The following KLHL1 variants were observed in gnomAD, a reference collection of about 807,000 sequenced individuals.
KLHL1 encodes kelch-like protein 1.
In KLHL1, 47 loss-of-function variants were observed where a neutral mutation model predicts 77.7. The observed-to-expected ratio is 0.60, with a 90% confidence interval of 0.48 to 0.77. The LOEUF (loss-of-function observed/expected upper bound fraction) is 0.77. Among genes scored for constraint, KLHL1 ranks in the 30% least tolerant of loss-of-function variants. KLHL1 has a pLI of 0.00. For missense variants in KLHL1, 925 were observed against 910.8 expected (o/e 1.02, Z -0.20); for synonymous variants, 360 against 325.2 (o/e 1.11, Z -1.15).
chr13:70,107,859 G>T lies in KLHL1; in HGVS notation c.-160C>A. On this transcript the variant is annotated 5_prime_UTR_variant, in exon 1 of 11. Coordinates refer to ENST00000377844, the MANE Select transcript of KLHL1 (RefSeq NM_020866.3). ...CTAGGTGGGCTGCGCGCTCTGCCAG[G>T]CGAAGGCTGGAGCGCAGACGGCAAA... 1.7e-6 allele frequency: 1 copy of T among 593,094 alleles called. No individual in the cohort carries two copies. Among genetic ancestry groups the T allele is most frequent in the East Asian group, 3.0e-5 (1 of 33,546 alleles). 36.7% of individuals were successfully genotyped at this position (593,094 alleles called of 1,614,324 possible).
In KLHL1 at chr13:69,882,490, G is replaced by T. The variant is rs1208776569; in HGVS notation, c.1020C>A (p.Asn340Lys). The T allele has an allele frequency of 6.2e-7, 1 of 1,608,950 alleles. No individual in the cohort carries two copies. Among genetic ancestry groups the T allele is most frequent in the Admixed American group, 1.7e-5 (1 of 59,964 alleles). The change falls in exon 5 of 11, where the codon AAC becomes AAA. Residue 340 changes from asparagine (N) to lysine (K), a missense_variant. Transcript: ENST00000377844. ...MKVAHSYTMENIMEVIRNQEF... is the reference protein window; with the variant it reads ...MKVAHSYTMEKIMEVIRNQEF... ...CTTGATTTCTGATAACTTCCATTAT[G>T]TTTTCCTGCAGGGAGAAAATATCTT...
At chr13:69,815,661 G>T (rs139510062) in intron 6 of KLHL1, among the ~76,000 whole-genome samples, 3 of 151,892 alleles carry the variant, frequency 2.0e-5, no homozygotes, top group African/African-American at 7.3e-5. Context: ...TCAGCATCAC[G>T]CAATATACCC....
intron 1 of KLHL1, among the ~76,000 whole-genome samples, chr13:70,076,951 A>C (rs1887281961): frequency 6.6e-6 from 1 of 151,994 alleles, no homozygotes; most frequent in South Asian, 2.1e-4. Flanking sequence ...TACAATTGCC[A>C]AGATGCTAAA....
At chr13:70,046,932 C>T (rs1384344518) in intron 1 of KLHL1, among the ~76,000 whole-genome samples, 1 of 152,166 alleles carries the variant, frequency 6.6e-6, no homozygotes, top group African/African-American at 2.4e-5. Context: ...CCTCCTTTCA[C>T]AGTAACAAAC....
chr13:69,875,934 A>G (rs1880746921), intron 5 of KLHL1, among the ~76,000 whole-genome samples: 1 of 152,140 alleles, frequency 6.6e-6, no homozygotes, highest in African/African-American at 2.4e-5. Flanking sequence ...TCATTAACTA[A>G]TCAGACAGCC....
chr13:70,051,031 T>G (rs577512870), intron 1 of KLHL1, among the ~76,000 whole-genome samples: 9 of 151,986 alleles, frequency 5.9e-5, no homozygotes, highest in African/African-American at 2.2e-4. Flanking sequence ...TAATGCCAGG[T>G]TTGGTTGGAA....
chr13:70,011,732 A>G (rs1265881566), intron 1 of KLHL1, among the ~76,000 whole-genome samples: 2 of 152,204 alleles, frequency 1.3e-5, no homozygotes, highest in African/African-American at 4.8e-5. Flanking sequence ...GAGTTCTTAG[A>G]AAAGTCAGGC....
chr13:69,751,228 G>T (rs770352840), intron 7 of KLHL1, among the ~76,000 whole-genome samples: 3 of 151,382 alleles, frequency 2.0e-5, no homozygotes, highest in African/African-American at 4.9e-5. Context: ...TTAGCAGTTT[G>T]CTAACTTTCA....
In KLHL1 at chr13:69,861,965, C is replaced by CAAAATAAAATAAAATAAAAT. The variant is rs58892254; in HGVS notation, c.1227+20298_1227+20317dup. ...GAGCAACAAGAGCGAAACTCCGTCT[C>CAAAATAAAATAAAATAAAAT]AAAATAAAATAAAATAAAATAAAAT... On this transcript the variant is annotated intron_variant, in intron 5 of 10. Coordinates refer to ENST00000377844, the MANE Select transcript of KLHL1 (RefSeq NM_020866.3). Among the ~76,000 whole-genome samples, 288 of 123,336 alleles carry CAAAATAAAATAAAATAAAAT rather than the reference C, an allele frequency of 2.3e-3. 5 individuals are homozygous for CAAAATAAAATAAAATAAAAT. Among genetic ancestry groups the CAAAATAAAATAAAATAAAAT allele is most frequent in the Middle Eastern group, 4.0e-3 (1 of 250 alleles). 80.9% of individuals were successfully genotyped at this position (123,336 alleles called of 152,430 possible). A position where few individuals can be genotyped will look rare whatever the true frequency, so the allele number is the denominator to read the frequency against.
chr13:69,707,086 C>T (rs557091443), intron 10 of KLHL1, among the ~76,000 whole-genome samples: 108 of 152,050 alleles, frequency 7.1e-4, no homozygotes, highest in African/African-American at 2.4e-3. Flanking sequence ...AAAGCCCTTT[C>T]CTGTTTATTC....
At chr13:69,838,279 G>A (rs1879108274) in intron 6 of KLHL1, among the ~76,000 whole-genome samples, 1 of 150,980 alleles carries the variant, frequency 6.6e-6, no homozygotes, top group Non-Finnish European at 1.5e-5. Flanking sequence ...AATATTTTAT[G>A]GTTAATTATA....
chr13:69,860,991 A>G (rs1470541268), intron 5 of KLHL1, among the ~76,000 whole-genome samples: 1 of 152,226 alleles, frequency 6.6e-6, no homozygotes, highest in African/African-American at 2.4e-5. Context: ...TACCTCCTGT[A>G]TGACATTGTC....
In KLHL1 at chr13:69,828,390, C is replaced by G. The variant is rs7331292; in HGVS notation, c.1414+10586G>C. Among the ~76,000 whole-genome samples, 658 of 150,268 alleles carry G rather than the reference C, an allele frequency of 4.4e-3. 59 individuals are homozygous for G. Among genetic ancestry groups the G allele is most frequent in the African/African-American group, 0.016 (626 of 40,084 alleles). On this transcript the variant is annotated intron_variant, in intron 6 of 10. Transcript: ENST00000377844. ...GTAGGATGAGCCCTGTAGGCACTCT[C>G]AGTACCCAGAGAAACCATTTCTAAC...
chr13:70,036,844 T>TG (rs1440270360), intron 1 of KLHL1, among the ~76,000 whole-genome samples: 11 of 146,966 alleles, frequency 7.5e-5, no homozygotes, highest in African/African-American at 2.7e-4. Flanking sequence ...TCTTTTTTTT[T>TG]TTTTTTTTTT....
chr13:69,720,201 C>T (rs1412278974), intron 8 of KLHL1, among the ~76,000 whole-genome samples: 1 of 152,018 alleles, frequency 6.6e-6, no homozygotes, highest in Non-Finnish European at 1.5e-5. Flanking sequence ...ACTCATCTTG[C>T]TATAATTATT....
chr13:70,028,963 CAG>C (rs1406853745), intron 1 of KLHL1, among the ~76,000 whole-genome samples: 1 of 135,000 alleles, frequency 7.4e-6, no homozygotes, highest in Non-Finnish European at 1.6e-5. Flanking sequence ...GCTTGGATGA[CAG>C]AGTGAAAACT....
At chr13:69,993,036 A>C (rs1885064697) in intron 1 of KLHL1, among the ~76,000 whole-genome samples, 1 of 152,038 alleles carries the variant, frequency 6.6e-6, no homozygotes, top group South Asian at 2.1e-4. Flanking sequence ...AGCAGGCCTA[A>C]TCATTTTTAG....
At chr13:69,849,325 T>C (rs4884861) in intron 5 of KLHL1, among the ~76,000 whole-genome samples, 141,522 of 151,446 alleles carry the variant, frequency 0.93, 66,353 homozygotes, top group East Asian at 0.99. Context: ...TTTAGATGAG[T>C]ATGCCAAAAA....
intron 7 of KLHL1, among the ~76,000 whole-genome samples, chr13:69,768,431 A>G (rs747881276): frequency 1.3e-5 from 2 of 152,178 alleles, no homozygotes; most frequent in Non-Finnish European, 2.9e-5. Context: ...GCATGGAGGA[A>G]TAAAGGAAGA....
Sources: allele counts gnomAD v4.1 joint callset (sites outside exome capture counted in the v4.1 genomes callset), GRCh38; gene constraint gnomAD v4.1.1; transcripts MANE v1.5; gene names NCBI Gene and HGNC (gene_info 2026-07-23, HGNC 2026-07-21).